The following PACRG variants were observed in gnomAD, a reference collection of about 807,000 sequenced individuals.
The protein encoded by PACRG is parkin coregulated gene protein.
In PACRG, 29 loss-of-function variants were observed where a neutral mutation model predicts 29.7. The observed-to-expected ratio is 0.98, with a 90% CI of 0.73 to 1.33. The LOEUF (loss-of-function observed/expected upper bound fraction) is 1.33. PACRG is among the 40% of genes most tolerant of loss of function. The probability of loss-of-function intolerance (pLI) is 0.00; values close to 1 mark genes in which losing one functional copy is unlikely to be tolerated. For synonymous variants in PACRG, 116 were observed against 118.7 expected, an observed-to-expected ratio of 0.98 and a Z score of 0.15; for missense variants, 279 against 316.2, an observed-to-expected ratio of 0.88 and a Z score of 0.89.
intron 2 of PACRG, among the ~76,000 whole-genome samples, chr6:162,954,073 A>G (rs1799847063): frequency 6.6e-6 from 1 of 152,162 alleles, no homozygotes; most frequent in Admixed American, 6.5e-5. Context: ...ATGTAAAATA[A>G]TTGTTTTGCC....
intron 2 of PACRG, among the ~76,000 whole-genome samples, chr6:162,890,392 GT>G (rs1231419808): frequency 6.6e-6 from 1 of 152,064 alleles, no homozygotes; most frequent in East Asian, 1.9e-4. Context: ...GAAATTTTCT[GT>G]TTTTTTCTCC....
At chr6:163,288,030 A>C (rs1230260961) in intron 4 of PACRG, among the ~76,000 whole-genome samples, 1 of 152,212 alleles carries the variant, frequency 6.6e-6, no homozygotes, top group Non-Finnish European at 1.5e-5. Context: ...CAGAATTTAG[A>C]CATTATTCAA....
intron 1 of PACRG, among the ~76,000 whole-genome samples, chr6:162,796,850 T>C (rs1482724155): frequency 6.6e-6 from 1 of 152,248 alleles, no homozygotes; most frequent in Non-Finnish European, 1.5e-5. Flanking sequence ...TGTAGTTATT[T>C]ATGTGAATGC....
chr6:163,054,864 GGGT>G (rs1230660284), intron 2 of PACRG, among the ~76,000 whole-genome samples: 2 of 152,134 alleles, frequency 1.3e-5, no homozygotes, highest in Admixed American at 6.5e-5. Context: ...AAGATGGAGA[GGGT>G]GGACCTTCTC....
chr6:163,140,166 C>T (rs188078148), intron 4 of PACRG, among the ~76,000 whole-genome samples: 1 of 152,224 alleles, frequency 6.6e-6, no homozygotes, highest in Admixed American at 6.5e-5. Flanking sequence ...ATGTACGAAG[C>T]ACGCAGCAAT....
chr6:162,756,666 G>A (rs576509594), intron 1 of PACRG, among the ~76,000 whole-genome samples: 1 of 151,952 alleles, frequency 6.6e-6, no homozygotes, highest in African/African-American at 2.4e-5. Flanking sequence ...GCAAGGTAAG[G>A]GCTTGCTATT....
intron 2 of PACRG, among the ~76,000 whole-genome samples, chr6:162,836,644 G>A (rs767607747): frequency 2.6e-5 from 4 of 151,988 alleles, no homozygotes; most frequent in Admixed American, 6.6e-5. Flanking sequence ...CATTTCCCTC[G>A]ATTTGATTAT....
At chr6:162,951,878 G>C (rs1435257054) in intron 2 of PACRG, among the ~76,000 whole-genome samples, 2 of 152,104 alleles carry the variant, frequency 1.3e-5, no homozygotes, top group African/African-American at 4.8e-5. Context: ...AGAGCTGGGA[G>C]CTTCCTCTAG....
intron 4 of PACRG, among the ~76,000 whole-genome samples, chr6:163,285,004 C>T (rs1359024436): frequency 6.6e-6 from 1 of 151,660 alleles, no homozygotes; most frequent in Admixed American, 6.6e-5. Context: ...GACCTTCACA[C>T]CCATCAAATA....
At chr6:163,045,936 G>T (rs1317247873) in intron 2 of PACRG, among the ~76,000 whole-genome samples, 1 of 152,026 alleles carries the variant, frequency 6.6e-6, no homozygotes, top group African/African-American at 2.4e-5. Flanking sequence ...TCTACCCCAA[G>T]ATGTTCACTC....
At chr6:162,984,709 G>T (rs1802726504) in intron 2 of PACRG, among the ~76,000 whole-genome samples, 1 of 151,916 alleles carries the variant, frequency 6.6e-6, no homozygotes. Context: ...ATTCTTGCAG[G>T]AGTGAGGTGG....
intron 2 of PACRG, among the ~76,000 whole-genome samples, chr6:162,977,249 AG>A (rs1802033708): frequency 6.6e-6 from 1 of 152,144 alleles, no homozygotes; most frequent in Admixed American, 6.6e-5. Context: ...GACAATAAAA[AG>A]ATCCATAGCG....
chr6:163,288,775 G>T (rs544710622), intron 4 of PACRG, among the ~76,000 whole-genome samples: 1 of 152,066 alleles, frequency 6.6e-6, no homozygotes, highest in Non-Finnish European at 1.5e-5. Flanking sequence ...GAATATACAG[G>T]GACCATAAAT....
intron 2 of PACRG, among the ~76,000 whole-genome samples, chr6:162,945,832 C>G (rs1033279718): frequency 6.6e-6 from 1 of 151,950 alleles, no homozygotes; most frequent in African/African-American, 2.4e-5. Flanking sequence ...AACTAGAAAT[C>G]AGTAATGATG....
At chr6:162,937,853 C>T (rs572113846) in intron 2 of PACRG, among the ~76,000 whole-genome samples, 5 of 152,104 alleles carry the variant, frequency 3.3e-5, no homozygotes, top group African/African-American at 1.2e-4. Flanking sequence ...AACAATACCA[C>T]TCCCTTGCTT....
rs1463253774 is a variant in PACRG at position 163,269,855 on chromosome 6, AAG to A, written c.614-44968_614-44967del. On this transcript the variant is annotated intron_variant, in intron 4 of 4. Coordinates refer to ENST00000366888, the MANE Select transcript of PACRG (RefSeq NM_001080379.2). ...AGAAAGAAAAAGAAAGAAAGAAAGA[AAG>A]AGAAAGAAAGAGAAAGAAAGAAAGA... 1.9e-4 allele frequency among the ~76,000 whole-genome samples: 13 copies of A among 70,106 alleles called. 2 individuals are homozygous for A. In the South Asian group the frequency reaches 2.6e-3, roughly 14 times the overall value. The allele number at this position is 70,106 out of a possible 152,430, so 46.0% of individuals were successfully genotyped here.
chr6:163,246,494 T>A (rs145544689), intron 4 of PACRG, among the ~76,000 whole-genome samples: 152 of 152,324 alleles, frequency 1.0e-3, no homozygotes, highest in African/African-American at 3.2e-3. Context: ...TTCTTCTTCA[T>A]AATATTTACA....
chr6:162,915,872 A>T lies in PACRG; in HGVS notation c.291+101591A>T, dbSNP rs1306245433. On this transcript the variant is annotated intron_variant, in intron 2 of 4. Transcript: ENST00000366888. ...TGTGATATGGGCTATATCTGTATTC[A>T]TTGAAAACTTCACAGACACTGGTAT... 2.0e-5 allele frequency among the ~76,000 whole-genome samples: 3 copies of T among 152,096 alleles called. No individual in the cohort carries two copies. The East Asian group carries it at 5.8e-4, about 29-fold the overall frequency.
chr6:163,212,689 A>C (rs191972336), intron 4 of PACRG, among the ~76,000 whole-genome samples: 1 of 152,346 alleles, frequency 6.6e-6, no homozygotes, highest in Admixed American at 6.5e-5. Flanking sequence ...TTGATGAAAA[A>C]TTGTATATTT....
Sources: gnomAD v4.1 joint callset for allele counts (sites outside exome capture counted in the v4.1 genomes callset) on GRCh38, gnomAD v4.1.1 for gene constraint, MANE v1.5 for transcripts, NCBI Gene and HGNC (gene_info 2026-07-23, HGNC 2026-07-21) for gene names.